Variants in KCNA3 observed in about 807,000 individuals in gnomAD.
KCNA3 encodes the protein RP11-284N8.3.
KCNA3 carries 18 observed loss-of-function variants against 34.3 expected under a neutral mutation model. That is an observed-to-expected ratio of 0.52 (90% CI 0.36 to 0.78). KCNA3 has a LOEUF of 0.78. KCNA3 is among the 30% of genes least tolerant of loss of function. The pLI, the probability that KCNA3 is intolerant of heterozygous loss-of-function variation, is 0.00. For synonymous variants in KCNA3, 324 were observed against 351.7 expected, an observed-to-expected ratio of 0.92 and a Z score of 0.88; for missense variants, 587 against 802.5, an observed-to-expected ratio of 0.73 and a Z score of 3.24.
At chr1:110,670,372 T>G (rs1441401150), downstream of KCNA3, among the ~76,000 whole-genome samples, 1 of 152,130 alleles carries the variant, frequency 6.6e-6, no homozygotes, top group Non-Finnish European at 1.5e-5. Flanking sequence ...TTCTCTGGAT[T>G]AAAGAACAAA....
the KCNA3 span, among the ~76,000 whole-genome samples, chr1:110,667,018 CAGAA>C: frequency 1.6e-4 from 25 of 151,948 alleles, no homozygotes; most frequent in Non-Finnish European, 4.4e-5. Context: ...GAAATATAGA[CAGAA>C]AGTAAATGTA....
Position 110,674,761 on chromosome 1 carries a change from G to T in KCNA3, c.49C>A (p.Arg17Ser), listed in dbSNP as rs1248268465. The T allele has an allele frequency of 2.2e-6, 3 of 1,355,376 alleles. No individual in the cohort carries two copies. The highest frequency in any genetic ancestry group is 3.0e-5 in the African/African-American group (2 of 65,892). 84.0% of individuals were successfully genotyped at this position (1,355,376 alleles called of 1,614,324 possible). A position where few individuals can be genotyped will look rare whatever the true frequency, so the allele number is the denominator to read the frequency against. ...CGCTGAGGAGGGTGGGCGCGGTGGC[G>T]GGCTGAGGGCGGCGGCGGCGAGCGC... ...LLRSPPPPSA[R>S]HRAHPPQRPA... is the part of the protein sequence containing the mutation. Residue 17 changes from arginine (R) to serine (S), a missense_variant, in exon 1 of 1, where the codon CGC (arginine) becomes AGC (serine). Physicochemically the swap from Arg to Ser is moderately radical, Grantham distance 110. Transcript: ENST00000369769. The surrounding 1 kb of genome is among the most constrained non-coding windows in gnomAD (Gnocchi z 6.4).
the KCNA3 span, among the ~76,000 whole-genome samples, chr1:110,659,961 C>G: frequency 1.3e-5 from 2 of 152,080 alleles, no homozygotes; most frequent in East Asian, 3.9e-4. Flanking sequence ...GAAGGGATAG[C>G]GTTAGGAGAA....
At chr1:110,661,641 C>A in the KCNA3 span, among the ~76,000 whole-genome samples, 1 of 152,126 alleles carries the variant, frequency 6.6e-6, no homozygotes, top group South Asian at 2.1e-4. Context: ...CTGTTACATT[C>A]TTTTTATATA....
At chr1:110,671,320 A>G (rs1036709652), downstream of KCNA3, among the ~76,000 whole-genome samples, 3 of 152,254 alleles carry the variant, frequency 2.0e-5, no homozygotes, top group African/African-American at 7.2e-5. Context: ...ATGGAAATCA[A>G]ATGAGAAAGG....
downstream of KCNA3, among the ~76,000 whole-genome samples, chr1:110,668,500 A>G (rs960527288): frequency 4.6e-5 from 7 of 152,202 alleles, no homozygotes; most frequent in Admixed American, 6.5e-5. Flanking sequence ...AAGGTAAATA[A>G]CAAGTTTTAT....
the KCNA3 span, among the ~76,000 whole-genome samples, chr1:110,664,277 GA>G: frequency 1.3e-5 from 2 of 152,156 alleles, no homozygotes; most frequent in East Asian, 3.9e-4. Context: ...TATTACGTAT[GA>G]AAAAACATGG....
chr1:110,671,657 G>C (rs1330147442), downstream of KCNA3, among the ~76,000 whole-genome samples: 2 of 152,100 alleles, frequency 1.3e-5, no homozygotes, highest in Non-Finnish European at 2.9e-5. Context: ...GATGATGACA[G>C]AGCTGTTGTG....
chr1:110,667,594 C>T (rs916085211), downstream of KCNA3, among the ~76,000 whole-genome samples: 1 of 152,084 alleles, frequency 6.6e-6, no homozygotes, highest in Non-Finnish European at 1.5e-5. Context: ...TAGGTTACAA[C>T]AATAACAACA....
At position 110,674,786 on chromosome 1, in the gene KCNA3, C is replaced by T; in HGVS notation, c.24G>A (p.Leu8=). 7.5e-7 allele frequency: 1 copy of T among 1,337,514 alleles called. No individual in the cohort carries two copies. The allele number at this position is 1,337,514 out of a possible 1,614,324, so 82.9% of individuals were successfully genotyped here. A position where few individuals can be genotyped will look rare whatever the true frequency, so the allele number is the denominator to read the frequency against. MDERLSL[L]RSPPPPSARH... is the part of the protein sequence containing the mutation. The stretch of plus-strand genomic sequence containing the variant: ...GGGCTGAGGGCGGCGGCGGCGAGCG[C>T]AGAAGGCTGAGGCGCTCGTCCATGC... The change falls in exon 1 of 1, where the codon CTG becomes CTA. Residue 8 remains leucine (L), a synonymous_variant. Coordinates refer to ENST00000369769, the MANE Select transcript of KCNA3 (RefSeq NM_002232.5). This position sits in a 1 kb window ranked among gnomAD's most constrained non-coding sequence, Gnocchi z 6.4.
In KCNA3 at chr1:110,672,872, A is replaced by C; in HGVS notation, c.*210T>G. ...GTTAAGAGAGAGAGGGTAAGAGGGA[A>C]AAGGAGAGCTGAGAGAATGCAGCCC... On this transcript the variant is annotated 3_prime_UTR_variant, in exon 1 of 1. Transcript: ENST00000369769. The C allele has an allele frequency of 1.8e-6, 1 of 561,570 alleles. No homozygotes were observed. Among genetic ancestry groups the C allele is most frequent in the Non-Finnish European group, 3.1e-6 (1 of 317,884 alleles). The allele number at this position is 561,570 out of a possible 1,614,324, so 34.8% of individuals were successfully genotyped here. A position where few individuals can be genotyped will look rare whatever the true frequency, so the allele number is the denominator to read the frequency against.
the KCNA3 span, among the ~76,000 whole-genome samples, chr1:110,661,152 T>C: frequency 1.3e-5 from 2 of 152,186 alleles, no homozygotes; most frequent in Non-Finnish European, 2.9e-5. Flanking sequence ...ATTTCCCATA[T>C]ATACTCCTGG....
At position 110,673,838 on chromosome 1, in the gene KCNA3, C is replaced by T. The variant is rs1230338410; in HGVS notation, c.972G>A (p.Ser324=). The T allele has an allele frequency of 3.1e-6, 5 of 1,614,050 alleles. No homozygotes were observed. Among genetic ancestry groups the T allele is most frequent in the East Asian group, 2.2e-5 (1 of 44,880 alleles). The change falls in exon 1 of 1, where the codon TCG becomes TCA. Residue 324 remains serine (S), a synonymous_variant. Coordinates refer to ENST00000369769, the MANE Select transcript of KCNA3 (RefSeq NM_002232.5). The surrounding 1 kb of genome is among the most constrained non-coding windows in gnomAD (Gnocchi z 8.8). ...TGTCGATCAGGTTCATGATGTTTCGCGAGAAGGTGGCTTTGCTAGGACAAG... is the reference window on the plus strand; with the variant it reads ...TGTCGATCAGGTTCATGATGTTTCGTGAGAAGGTGGCTTTGCTAGGACAAG... ...FFACPSKATF[S]RNIMNLIDIV... is the part of the protein sequence containing the mutation.
At chr1:110,662,121 A>C in the KCNA3 span, among the ~76,000 whole-genome samples, 1 of 149,726 alleles carries the variant, frequency 6.7e-6, no homozygotes, top group Non-Finnish European at 1.5e-5. Context: ...TCAAAAAAAA[A>C]AAAAAAAAAA....
rs533680315 is a variant in KCNA3 at position 110,674,668 on chromosome 1, C to T, written c.142G>A (p.Glu48Lys). 598 of 1,515,770 alleles carry T rather than the reference C, an allele frequency of 3.9e-4. 8 individuals carry two copies. In the South Asian group the frequency reaches 7.2e-3, roughly 18 times the overall value. The allele number at this position is 1,515,770 out of a possible 1,614,324, so 93.9% of individuals were successfully genotyped here. Residue 48 changes from glutamate to lysine, a missense_variant, in exon 1 of 1, where the codon GAG (glutamate) becomes AAG (lysine). Glu to Lys is a moderately conservative substitution (Grantham distance 56). Coordinates refer to ENST00000369769, the MANE Select transcript of KCNA3 (RefSeq NM_002232.5). This position sits in a 1 kb window ranked among gnomAD's most constrained non-coding sequence, Gnocchi z 6.4. ...HGYAEPAAGRELPPDMTVVPG... is the reference protein window; with the variant it reads ...HGYAEPAAGRKLPPDMTVVPG... ...ACCACGGTCATGTCGGGCGGCAGCTCGCGGCCTGCGGCGGGCTCCGCGTAG... is the reference window on the plus strand; with the variant it reads ...ACCACGGTCATGTCGGGCGGCAGCTTGCGGCCTGCGGCGGGCTCCGCGTAG...
downstream of KCNA3, among the ~76,000 whole-genome samples, chr1:110,671,792 T>G (rs554446819): frequency 1.7e-4 from 26 of 152,324 alleles, no homozygotes; most frequent in South Asian, 4.3e-3. Flanking sequence ...TTAAATTTCA[T>G]TTGTTGGCTT....
downstream of KCNA3, among the ~76,000 whole-genome samples, chr1:110,672,094 A>G (rs1248008425): frequency 6.6e-6 from 1 of 152,226 alleles, no homozygotes; most frequent in Non-Finnish European, 1.5e-5. Flanking sequence ...CCATCTGGAA[A>G]GGTTACTGTG....
the KCNA3 span, among the ~76,000 whole-genome samples, chr1:110,662,177 G>A: frequency 6.7e-6 from 1 of 149,392 alleles, no homozygotes; most frequent in Admixed American, 6.7e-5. Flanking sequence ...TGGGTTGAAA[G>A]GCTTAGAAGA....
At chr1:110,659,961 C>T in the KCNA3 span, among the ~76,000 whole-genome samples, 1 of 151,962 alleles carries the variant, frequency 6.6e-6, no homozygotes, top group Admixed American at 6.6e-5. Flanking sequence ...GAAGGGATAG[C>T]GTTAGGAGAA....
Sources: gnomAD v4.1 joint callset for allele counts (sites outside exome capture counted in the v4.1 genomes callset) on GRCh38, gnomAD v4.1.1 for gene constraint, Gnocchi (gnomAD v3.1) non-coding constraint, MANE v1.5 for transcripts, NCBI Gene and HGNC (gene_info 2026-07-23, HGNC 2026-07-21) for gene names.